Variants in PKD1L1 observed in about 807,000 individuals in gnomAD.
The protein encoded by PKD1L1 is polycystin 1 like 1, transient receptor potential channel interacting.
In PKD1L1, 236 loss-of-function variants were observed where a neutral mutation model predicts 323.4. The ratio of observed to expected loss-of-function variants is 0.73; its 90% CI spans 0.66 to 0.81. The LOEUF (loss-of-function observed/expected upper bound fraction) is 0.81. PKD1L1 is among the 40% of genes least tolerant of loss of function. The pLI is 0.00. For synonymous variants in PKD1L1, 1,344 were observed against 1,335.0 expected (o/e 1.01, Z -0.15); for missense variants, 3,320 against 3,508.0 (o/e 0.95, Z 1.35).
Position 47,861,965 on chromosome 7 carries a change from C to G in PKD1L1, c.4150-3080G>C, listed in dbSNP as rs193003264. 2.4e-4 allele frequency among the ~76,000 whole-genome samples: 35 copies of G among 148,208 alleles called. No individual in the cohort carries two copies. In the East Asian group the frequency reaches 7.0e-3, roughly 30 times the overall value. On this transcript the variant is annotated intron_variant, in intron 26 of 56. Transcript: ENST00000289672. ...ATCCCAGCACTTTGGGAGGCTGAGG[C>G]AGGTGGATCACCTGAGGTCAGGAGT...
At chr7:47,829,623 C>A (rs775318344) in intron 43 of PKD1L1, 22 bp from the exon 44 acceptor site, 1 of 1,588,578 alleles carries the variant, frequency 6.3e-7, no homozygotes, top group Non-Finnish European at 8.6e-7. Context: ...AACATGACAG[C>A]GCAGAGAGCC....
intron 24 of PKD1L1, 40 bp downstream of exon 24, chr7:47,873,859 A>T: frequency 6.7e-7 from 1 of 1,498,476 alleles, no homozygotes; most frequent in Non-Finnish European, 9.2e-7. Context: ...AAGAAATACA[A>T]ATAATGGCTA....
At chr7:47,893,792 T>G (rs1786874421) in intron 15 of PKD1L1, 86 bp downstream of exon 15, 1 of 1,383,428 alleles carries the variant, frequency 7.2e-7, no homozygotes, top group Non-Finnish European at 9.9e-7. Context: ...TTTAAAACTA[T>G]TAATAGCCTC....
chr7:47,950,818 CG>C (rs541752905), upstream of PKD1L1, among the ~76,000 whole-genome samples: 17 of 152,300 alleles, frequency 1.1e-4, no homozygotes, highest in East Asian at 2.7e-3. Context: ...AGAACACCCT[CG>C]GGGCCAGCGC....
At chr7:47,876,248 T>G in intron 22 of PKD1L1, 31 bp from the exon 23 acceptor site, 1 of 1,609,730 alleles carries the variant, frequency 6.2e-7, no homozygotes, top group Non-Finnish European at 8.5e-7. Flanking sequence ...GCAAAAATAG[T>G]ATAAATGAAC....
At chr7:47,803,139 G>A (rs1165384115) in intron 53 of PKD1L1, 71 bp downstream of exon 53, 25 of 1,580,134 alleles carry the variant, frequency 1.6e-5, no homozygotes. Context: ...TTTTTCCCTT[G>A]AGAAAGGCTG....
chr7:47,907,971 A>G, intron 9 of PKD1L1, 106 bp downstream of exon 9: 1 of 1,096,746 alleles, frequency 9.1e-7, no homozygotes, highest in South Asian at 1.9e-5. Context: ...AGGATGTTGT[A>G]TCAAATTTAG....
In PKD1L1 at chr7:47,819,579, C is replaced by G. The variant is rs371036445; in HGVS notation, c.6965+1497G>C. On this transcript the variant is annotated intron_variant, in intron 46 of 56. Transcript: ENST00000289672. ...AAAAGTTGGTCATGGATGGAAATAA[C>G]TGCTGGTTTCACAAATGAGGAGGCA... 1.9e-4 allele frequency: 260 copies of G among 1,364,460 alleles called. 1 individual carries two copies. The South Asian group carries it at 2.8e-3, about 15-fold the overall frequency. The allele number at this position is 1,364,460 out of a possible 1,614,324, so 84.5% of individuals were successfully genotyped here.
chr7:47,902,280 C>T, intron 13 of PKD1L1, 99 bp downstream of exon 13: 23 of 1,465,708 alleles, frequency 1.6e-5, no homozygotes, highest in South Asian at 2.7e-5. Flanking sequence ...GACAAAGCCT[C>T]GCTTCATGCC....
At chr7:47,900,278 C>T (rs766698293) in intron 13 of PKD1L1, among the ~76,000 whole-genome samples, 3 of 152,070 alleles carry the variant, frequency 2.0e-5, no homozygotes, top group Admixed American at 6.5e-5. Flanking sequence ...TCCCTCAGAG[C>T]GGACACATGT....
At chr7:47,868,401 C>CA (rs1361953744) in intron 24 of PKD1L1, among the ~76,000 whole-genome samples, 46 of 150,468 alleles carry the variant, frequency 3.1e-4, no homozygotes, top group Admixed American at 6.6e-4. Flanking sequence ...AAAACAACAA[C>CA]AAAAAAAACA....
chr7:47,883,882 C>T (rs918573480), intron 19 of PKD1L1, among the ~76,000 whole-genome samples: 1 of 152,240 alleles, frequency 6.6e-6, no homozygotes, highest in Non-Finnish European at 1.5e-5. Flanking sequence ...AGACATCCAT[C>T]TCTTCACTAG....
chr7:47,868,622 T>C (rs1221919845), intron 24 of PKD1L1, among the ~76,000 whole-genome samples: 1 of 152,192 alleles, frequency 6.6e-6, no homozygotes, highest in African/African-American at 2.4e-5. Flanking sequence ...ATGCCTGTAA[T>C]CCCAGCACTT....
chr7:47,829,613 AAC>A lies in PKD1L1; in HGVS notation c.6559-14_6559-13del. 1 of 1,600,428 alleles carries A rather than the reference AAC, an allele frequency of 6.2e-7. No individual in the cohort carries two copies. Among genetic ancestry groups the A allele is most frequent in the South Asian group, 1.1e-5 (1 of 89,264 alleles). ...GCCATGAGGCATACCTGGAAGGAAA[AAC>A]ATGACAGCGCAGAGAGCCGCCCTAT... On this transcript the variant is annotated splice_polypyrimidine_tract_variant and intron_variant, in intron 43 of 56. Coordinates refer to ENST00000289672, the MANE Select transcript of PKD1L1 (RefSeq NM_138295.5).
intron 8 of PKD1L1, among the ~76,000 whole-genome samples, chr7:47,914,065 G>A (rs112412055): frequency 1.3e-5 from 2 of 152,148 alleles, no homozygotes; most frequent in African/African-American, 4.8e-5. Flanking sequence ...AGGAAGATGG[G>A]AAATATTCTA....
upstream of PKD1L1, among the ~76,000 whole-genome samples, chr7:47,949,408 A>G (rs557956046): frequency 1.1e-4 from 16 of 147,106 alleles, no homozygotes; most frequent in South Asian, 2.1e-4. Context: ...ACTGTCCACA[A>G]CTGCACTGGG....
Position 47,885,931 on chromosome 7 carries a change from G to C in PKD1L1, c.2960C>G (p.Pro987Arg). 8 of 1,614,192 alleles carry C rather than the reference G, an allele frequency of 5.0e-6. No homozygotes were observed. Among genetic ancestry groups the C allele is most frequent in the Non-Finnish European group, 5.1e-6 (6 of 1,180,026 alleles). ...GTADPDATTT[P>R]FSREPSPVTL... ...CACGGGTGAAGGTTCCCGTGAGAAT[G>C]GTGTGGTCGTTGCATCAGGATCTGC... The change falls in exon 18 of 57, where the codon CCA (proline) becomes CGA (arginine). Residue 987 changes from proline (P) to arginine (R), a missense_variant. Physicochemically the swap from Pro to Arg is moderately radical, Grantham distance 103 (BLOSUM62 -2). Transcript: ENST00000289672.
In PKD1L1 at chr7:47,858,723, C is replaced by T. The variant is rs1317433826; in HGVS notation, c.4312G>A (p.Glu1438Lys). ...ATTCCTTCTTCATGTCGATAGACTT[C>T]CTCCTTCGAGTTTTCTTGCTCAGAG... Reference protein sequence around the residue: ...EVSEQENSKEEVYRHEEGITV... With the variant: ...EVSEQENSKEKVYRHEEGITV... The change falls in exon 27 of 57, where the codon GAA becomes AAA. Residue 1438 changes from glutamate (E) to lysine (K), a missense_variant. Transcript: ENST00000289672. 1.2e-6 allele frequency: 2 copies of T among 1,613,972 alleles called. No individual in the cohort carries two copies. Among genetic ancestry groups the T allele is most frequent in the African/African-American group, 1.3e-5 (1 of 74,904 alleles).
rs754503600 is a variant in PKD1L1, at chr7:47,815,323, G to T, written c.7089+11C>A. 6.2e-7 allele frequency: 1 copy of T among 1,612,082 alleles called. No homozygotes were observed. The highest frequency in any genetic ancestry group is 1.1e-5 in the South Asian group (1 of 90,656). On this transcript the variant is annotated intron_variant, in intron 47 of 56. Coordinates refer to ENST00000289672, the MANE Select transcript of PKD1L1 (RefSeq NM_138295.5). ...AGATGATCTCCTATGAAGAGGAGAC[G>T]GAAAGCTCACCTGAGCCCCCGGCAC...
Sources: gnomAD v4.1 joint callset for allele counts (sites outside exome capture counted in the v4.1 genomes callset) on GRCh38, gnomAD v4.1.1 for gene constraint, MANE v1.5 for transcripts, NCBI Gene and HGNC (gene_info 2026-07-23, HGNC 2026-07-21) for gene names.